SEMA5A: variants seen among roughly 807,000 people sequenced by gnomAD.
SEMA5A encodes semaphorin 5A, also known as semaphorin-5A.
In SEMA5A, 55 loss-of-function variants were observed where a neutral mutation model predicts 135.5. The ratio of observed to expected loss-of-function variants is 0.41; its 90% CI spans 0.33 to 0.51. The LOEUF (loss-of-function observed/expected upper bound fraction) is 0.51. SEMA5A is among the 20% of genes least tolerant of loss of function. The pLI is 0.37. For synonymous variants in SEMA5A, 580 were observed against 546.5 expected, an observed-to-expected ratio of 1.06 and a Z score of -0.85; for missense variants, 1,290 against 1,419.9, an observed-to-expected ratio of 0.91 and a Z score of 1.47.
intron 2 of SEMA5A, among the ~76,000 whole-genome samples, chr5:9,415,582 C>G (rs773362701): frequency 5.3e-5 from 8 of 152,130 alleles, no homozygotes; most frequent in Admixed American, 2.0e-4. Flanking sequence ...TTTTCTCAAC[C>G]TATTTTTTTT....
intron 13 of SEMA5A, among the ~76,000 whole-genome samples, chr5:9,133,415 G>A (rs1741546710): frequency 6.6e-6 from 1 of 151,954 alleles, no homozygotes; most frequent in African/African-American, 2.4e-5. Context: ...GTCTTTTGTT[G>A]CCTTCTTTGT....
At chr5:9,237,691 G>T in intron 6 of SEMA5A, 137 bp downstream of exon 6, 2 of 629,336 alleles carry the variant, frequency 3.2e-6, no homozygotes, top group Admixed American at 2.9e-5. Flanking sequence ...AGAATATACC[G>T]TATACATATT....
At chr5:9,350,376 A>G (rs1754060686) in intron 3 of SEMA5A, among the ~76,000 whole-genome samples, 1 of 152,236 alleles carries the variant, frequency 6.6e-6, no homozygotes, top group Non-Finnish European at 1.5e-5. Context: ...TATTCAAGCC[A>G]AGCATGTTCC....
chr5:9,416,543 A>G (rs1462573115), intron 2 of SEMA5A, among the ~76,000 whole-genome samples: 1 of 152,154 alleles, frequency 6.6e-6, no homozygotes, highest in Non-Finnish European at 1.5e-5. Context: ...CAAACTGGGT[A>G]CAAGCAGTTG....
chr5:9,089,606 C>T (rs2150121480), intron 16 of SEMA5A, among the ~76,000 whole-genome samples: 1 of 152,274 alleles, frequency 6.6e-6, no homozygotes, highest in South Asian at 2.1e-4. Context: ...CCACTCTTGA[C>T]CTTACCACCC....
intron 1 of SEMA5A, among the ~76,000 whole-genome samples, chr5:9,439,556 AG>A (rs1758158204): frequency 6.6e-6 from 1 of 152,206 alleles, no homozygotes; most frequent in South Asian, 2.1e-4. Context: ...TGCCTCCCCC[AG>A]TGAGGTCACA....
chr5:9,466,668 C>T (rs942818108), intron 1 of SEMA5A, among the ~76,000 whole-genome samples: 8 of 152,192 alleles, frequency 5.3e-5, no homozygotes, highest in Non-Finnish European at 4.4e-5. Flanking sequence ...ACAATCTGCT[C>T]TTACATTACT....
At chr5:9,501,201 G>T (rs987860808) in intron 1 of SEMA5A, among the ~76,000 whole-genome samples, 4 of 152,168 alleles carry the variant, frequency 2.6e-5, no homozygotes, top group Non-Finnish European at 4.4e-5. Flanking sequence ...ATGCAATTGT[G>T]TCAAAATGGT....
At chr5:9,283,996 A>G (rs1346965882) in intron 5 of SEMA5A, among the ~76,000 whole-genome samples, 1 of 152,190 alleles carries the variant, frequency 6.6e-6, no homozygotes, top group Non-Finnish European at 1.5e-5. Context: ...ATAGATAGAT[A>G]GATAGATAAC....
chr5:9,092,935 T>C (rs1380778968), intron 16 of SEMA5A, among the ~76,000 whole-genome samples: 1 of 152,226 alleles, frequency 6.6e-6, no homozygotes, highest in Admixed American at 6.5e-5. Context: ...AAAAAAATAT[T>C]GTCCCTGATT....
At chr5:9,380,187 T>C in intron 2 of SEMA5A, 164 bp from the exon 3 acceptor site, 1 of 497,334 alleles carries the variant, frequency 2.0e-6, no homozygotes, top group Non-Finnish European at 3.6e-6. Context: ...TCCCAGGTCG[T>C]GTGTGTGTAT....
intron 2 of SEMA5A, among the ~76,000 whole-genome samples, chr5:9,427,258 C>T (rs1007060886): frequency 2.6e-5 from 4 of 151,956 alleles, no homozygotes; most frequent in African/African-American, 9.7e-5. Flanking sequence ...TTGCAGTGAG[C>T]CGAGATCCCG....
intron 8 of SEMA5A, among the ~76,000 whole-genome samples, chr5:9,220,941 T>C (rs900766153): frequency 6.6e-6 from 1 of 152,038 alleles, no homozygotes; most frequent in African/African-American, 2.4e-5. Flanking sequence ...AAGACTGCCG[T>C]CCTCAACAAA....
intron 1 of SEMA5A, among the ~76,000 whole-genome samples, chr5:9,457,857 AC>A (rs1346686869): frequency 6.7e-6 from 1 of 148,304 alleles, no homozygotes; most frequent in African/African-American, 2.6e-5. Context: ...GATATGAGGT[AC>A]AAAAGGAAAG....
intron 1 of SEMA5A, chr5:9,520,018 C>A (rs904760917): frequency 2.0e-5 from 3 of 152,192 alleles, no homozygotes; most frequent in African/African-American, 7.2e-5. Flanking sequence ...CCACAATTCT[C>A]GAAATACAAG....
At chr5:9,216,352 G>T (rs1746627895) in intron 8 of SEMA5A, among the ~76,000 whole-genome samples, 1 of 152,162 alleles carries the variant, frequency 6.6e-6, no homozygotes, top group Middle Eastern at 3.2e-3. Flanking sequence ...ATGAAAGTGT[G>T]CTTGGTATGG....
intron 1 of SEMA5A, among the ~76,000 whole-genome samples, chr5:9,492,939 T>C (rs268475): frequency 0.031 from 4,719 of 152,196 alleles, 265 homozygotes; most frequent in African/African-American, 0.11. Flanking sequence ...TGTTGGTGGA[T>C]GCATGTCATT....
chr5:9,311,359 T>G (rs911377344), intron 5 of SEMA5A, among the ~76,000 whole-genome samples: 6 of 151,780 alleles, frequency 4.0e-5, no homozygotes, highest in African/African-American at 1.5e-4. Context: ...AACCCAGATA[T>G]ACAGGAAAGA....
At chr5:9,073,896 T>C (rs1737905352) in intron 16 of SEMA5A, among the ~76,000 whole-genome samples, 1 of 152,026 alleles carries the variant, frequency 6.6e-6, no homozygotes, top group African/African-American at 2.4e-5. Flanking sequence ...AGATTAAATC[T>C]CAAAAAAATA....
Sources: gnomAD v4.1 joint callset for allele counts (sites outside exome capture counted in the v4.1 genomes callset) on GRCh38, gnomAD v4.1.1 for gene constraint, MANE v1.5 for transcripts, NCBI Gene and HGNC (gene_info 2026-07-23, HGNC 2026-07-21) for gene names.